Variants in RASAL2 observed in about 807,000 individuals in gnomAD.
RASAL2 encodes the protein RAS protein activator like 2, also known as ras GTPase-activating protein nGAP.
RASAL2 carries 58 observed loss-of-function variants against 128.9 expected under a neutral mutation model. The observed-to-expected ratio is 0.45, with a 90% CI of 0.36 to 0.56. The LOEUF (loss-of-function observed/expected upper bound fraction) is 0.56, where lower values mean the gene tolerates loss of function less well. Among genes scored for constraint, RASAL2 ranks in the 20% least tolerant of loss-of-function variants. The probability of loss-of-function intolerance (pLI) is 0.00; values close to 1 mark genes in which losing one functional copy is unlikely to be tolerated. For synonymous variants in RASAL2, 561 were observed against 580.8 expected, an observed-to-expected ratio of 0.97 and a Z score of 0.49; for missense variants, 1,360 against 1,601.6, an observed-to-expected ratio of 0.85 and a Z score of 2.57.
At position 178,170,000 on chromosome 1, in the gene RASAL2, C is replaced by G. The variant is rs534435143; in HGVS notation, c.202+75306C>G. Among the ~76,000 whole-genome samples the G allele has an allele frequency of 2.6e-5, 4 of 152,068 alleles. No individual in the cohort carries two copies. In the East Asian group the frequency reaches 7.7e-4, roughly 29 times the overall value. On this transcript the variant is annotated intron_variant, in intron 1 of 17. Transcript: ENST00000367649. ...TACATTTATTTCCACTTAATTTCTTCAGTGTATGATTATATCCTTCTCTAT... is the reference window on the plus strand; with the variant it reads ...TACATTTATTTCCACTTAATTTCTTGAGTGTATGATTATATCCTTCTCTAT...
intron 1 of RASAL2, among the ~76,000 whole-genome samples, chr1:178,096,849 G>A (rs1658710873): frequency 6.7e-6 from 1 of 150,166 alleles, no homozygotes. Flanking sequence ...GTTGTCTTTA[G>A]TTTATGTAAA....
intron 1 of RASAL2, chr1:178,123,118 C>T (rs1245015681): frequency 2.0e-5 from 3 of 152,200 alleles, no homozygotes; most frequent in African/African-American, 7.2e-5. Flanking sequence ...ACCCTTCCTT[C>T]ACCCATCTCT....
chr1:178,166,348 C>A (rs953187784), intron 1 of RASAL2, among the ~76,000 whole-genome samples: 1 of 151,922 alleles, frequency 6.6e-6, no homozygotes, highest in Non-Finnish European at 1.5e-5. Flanking sequence ...CTAAAATCCT[C>A]ATGGAACTAA....
intron 2 of RASAL2, among the ~76,000 whole-genome samples, chr1:178,297,427 C>G (rs2102261001): frequency 1.3e-5 from 2 of 151,122 alleles, no homozygotes; most frequent in Middle Eastern, 6.8e-3. Context: ...CATTGTAAAA[C>G]CCTGTCTCTA....
chr1:178,224,249 A>C (rs1663713470), intron 1 of RASAL2, among the ~76,000 whole-genome samples: 1 of 151,596 alleles, frequency 6.6e-6, no homozygotes, highest in Admixed American at 6.6e-5. Context: ...TTAATATTTA[A>C]AGGTGTTCAT....
intron 1 of RASAL2, among the ~76,000 whole-genome samples, chr1:178,220,128 A>C (rs1252364808): frequency 6.6e-6 from 1 of 152,204 alleles, no homozygotes; most frequent in Non-Finnish European, 1.5e-5. Flanking sequence ...GGCTGTCACC[A>C]GAAGCAAAAC....
At chr1:178,465,426 T>G (rs778087288) in intron 15 of RASAL2, among the ~76,000 whole-genome samples, 21 of 152,210 alleles carry the variant, frequency 1.4e-4, no homozygotes, top group Non-Finnish European at 2.8e-4. Context: ...GGCAGTCTGA[T>G]GAGCTAAGAC....
intron 1 of RASAL2, among the ~76,000 whole-genome samples, chr1:178,116,593 A>T (rs893939414): frequency 1.3e-5 from 2 of 151,892 alleles, no homozygotes; most frequent in Admixed American, 6.6e-5. Context: ...AAAGTTTCTT[A>T]ATAGATTGTT....
intron 4 of RASAL2, among the ~76,000 whole-genome samples, chr1:178,405,659 G>A (rs1396205952): frequency 6.6e-6 from 1 of 152,218 alleles, no homozygotes; most frequent in East Asian, 1.9e-4. Context: ...AGAAAGGAAT[G>A]CAGACCTGCT....
At chr1:178,152,193 C>T (rs549679793) in intron 1 of RASAL2, among the ~76,000 whole-genome samples, 36 of 152,164 alleles carry the variant, frequency 2.4e-4, no homozygotes, top group Admixed American at 2.1e-3. Flanking sequence ...AGATTGAGTC[C>T]TGTAGGAGCT....
chr1:178,466,735 C>T (rs918658948), intron 16 of RASAL2, among the ~76,000 whole-genome samples: 10 of 152,178 alleles, frequency 6.6e-5, no homozygotes, highest in East Asian at 3.8e-4. Context: ...ATTTGAATCC[C>T]GGACTCCAGA....
chr1:178,111,372 G>T, intron 1 of RASAL2, among the ~76,000 whole-genome samples: 2 of 152,282 alleles, frequency 1.3e-5, no homozygotes, highest in Middle Eastern at 6.8e-3. Flanking sequence ...GCCTCCCAAA[G>T]TGCTAGGATT....
chr1:178,468,805 A>G (rs1647986287), intron 17 of RASAL2, among the ~76,000 whole-genome samples: 1 of 152,230 alleles, frequency 6.6e-6, no homozygotes, highest in Non-Finnish European at 1.5e-5. Flanking sequence ...CACTATAAAA[A>G]ATCATCCCAG....
chr1:178,160,012 A>T (rs1380236182), intron 1 of RASAL2, among the ~76,000 whole-genome samples: 1 of 151,934 alleles, frequency 6.6e-6, no homozygotes, highest in African/African-American at 2.4e-5. Flanking sequence ...TAGGAAAATT[A>T]TTCTGTAGTT....
rs1368617022 is a variant in RASAL2, at chr1:178,443,220, C to T, written c.1473C>T (p.Gly491=). 3 of 1,603,598 alleles carry T rather than the reference C, an allele frequency of 1.9e-6. No homozygotes were observed. The highest frequency in any genetic ancestry group is 2.6e-6 in the Non-Finnish European group (3 of 1,171,756). Residue 491 remains glycine (G), a synonymous_variant, in exon 8 of 18, where the codon GGC becomes GGT. Transcript: ENST00000367649. ...CALVHILQST[G]RAKDFLTDLV... is the part of the protein sequence containing the mutation. ...TAGTGCACATTCTTCAAAGTACTGG[C>T]AGAGCCAAGGTAAGTGGAAAAGGGG...
chr1:178,364,796 T>G lies in RASAL2; in HGVS notation c.458-25304T>G, dbSNP rs527409197. Among the ~76,000 whole-genome samples, 121 of 152,316 alleles carry G rather than the reference T, an allele frequency of 7.9e-4. 1 individual carries two copies. Among genetic ancestry groups the G allele is most frequent in the African/African-American group, 1.4e-3 (57 of 41,576 alleles). On this transcript the variant is annotated intron_variant, in intron 3 of 17. Transcript: ENST00000367649. ...TATACTATGAGTAAAATGTAAAATA[T>G]AACTTTATATTAAAGAAAAAATATT...
At chr1:178,169,283 T>G (rs538874693) in intron 1 of RASAL2, among the ~76,000 whole-genome samples, 4 of 152,280 alleles carry the variant, frequency 2.6e-5, no homozygotes, top group African/African-American at 9.6e-5. Flanking sequence ...ACAAGTTGTA[T>G]TCACATAACT....
chr1:178,104,125 C>T (rs1326948392), intron 1 of RASAL2, among the ~76,000 whole-genome samples: 3 of 152,026 alleles, frequency 2.0e-5, no homozygotes, highest in Non-Finnish European at 4.4e-5. Context: ...TTATTTTTTA[C>T]ATTCAAATCT....
intron 1 of RASAL2, among the ~76,000 whole-genome samples, chr1:178,229,989 T>A (rs1021606446): frequency 3.3e-5 from 5 of 152,326 alleles, no homozygotes; most frequent in African/African-American, 1.2e-4. Context: ...GAACTGCTTT[T>A]CTGATATTTT....
Sources: allele counts gnomAD v4.1 joint callset (sites outside exome capture counted in the v4.1 genomes callset), GRCh38; gene constraint gnomAD v4.1.1; transcripts MANE v1.5; gene names NCBI Gene and HGNC (gene_info 2026-07-23, HGNC 2026-07-21).